Variants in MIPOL1 observed in about 807,000 individuals in gnomAD.
MIPOL1 encodes the protein mirror-image polydactyly gene 1 protein.
In MIPOL1, 57 loss-of-function variants were observed where a neutral mutation model predicts 60.9. That is an observed-to-expected ratio of 0.94 (90% CI 0.76 to 1.17). The LOEUF (loss-of-function observed/expected upper bound fraction) is 1.17. Ranked by LOEUF, MIPOL1 falls within the 50% of genes most tolerant of loss-of-function variation. The pLI is 0.00. For missense variants in MIPOL1, 551 were observed against 511.6 expected, an observed-to-expected ratio of 1.08 and a Z score of -0.74; for synonymous variants, 179 against 168.8, an observed-to-expected ratio of 1.06 and a Z score of -0.47.
chr14:37,258,735 A>G (rs1163872155), intron 3 of MIPOL1, among the ~76,000 whole-genome samples: 1 of 152,116 alleles, frequency 6.6e-6, no homozygotes, highest in Admixed American at 6.6e-5. Flanking sequence ...ATATGATAGA[A>G]TTTCACAAAA....
chr14:37,324,320 T>C (rs2153449154), intron 9 of MIPOL1, among the ~76,000 whole-genome samples: 1 of 152,132 alleles, frequency 6.6e-6, no homozygotes, highest in East Asian at 1.9e-4. Flanking sequence ...ACTAATGCTG[T>C]TGTGAACTTT....
intron 11 of MIPOL1, among the ~76,000 whole-genome samples, chr14:37,469,533 G>C (rs2094648867): frequency 6.6e-6 from 1 of 152,156 alleles, no homozygotes. Flanking sequence ...ACCATATCAT[G>C]TGGTAATTCA....
At chr14:37,545,876 T>C in intron 12 of MIPOL1, 1 of 378,254 alleles carries the variant, frequency 2.6e-6, no homozygotes, top group African/African-American at 2.1e-5. Context: ...TGAGGCAAAC[T>C]GTGAAGCAGA....
chr14:37,313,388 G>T (rs928422071), intron 9 of MIPOL1, among the ~76,000 whole-genome samples: 3 of 152,104 alleles, frequency 2.0e-5, no homozygotes, highest in Non-Finnish European at 2.9e-5. Flanking sequence ...ACTTATAAGG[G>T]TATACATAAA....
chr14:37,329,889 G>T (rs1252870041), intron 9 of MIPOL1, among the ~76,000 whole-genome samples: 1 of 152,010 alleles, frequency 6.6e-6, no homozygotes, highest in Admixed American at 6.6e-5. Flanking sequence ...GTTTACTTAA[G>T]AACCAACTCA....
intron 11 of MIPOL1, among the ~76,000 whole-genome samples, chr14:37,460,918 A>T (rs2094531874): frequency 6.6e-6 from 1 of 152,224 alleles, no homozygotes; most frequent in Admixed American, 6.5e-5. Context: ...CATTAAAATG[A>T]TCATATTCCC....
chr14:37,438,849 A>C (rs2094200919), intron 11 of MIPOL1, among the ~76,000 whole-genome samples: 1 of 152,368 alleles, frequency 6.6e-6, no homozygotes, highest in African/African-American at 2.4e-5. Context: ...AAAACTAAAT[A>C]CTGTGCCTAA....
At chr14:37,236,502 T>C (rs954965337) in intron 1 of MIPOL1, among the ~76,000 whole-genome samples, 2 of 152,030 alleles carry the variant, frequency 1.3e-5, no homozygotes, top group East Asian at 1.9e-4. Context: ...ATTGGTGCAA[T>C]CTCGGCTCAC....
At chr14:37,341,069 A>G (rs1211077289) in intron 9 of MIPOL1, among the ~76,000 whole-genome samples, 3 of 152,208 alleles carry the variant, frequency 2.0e-5, no homozygotes, top group African/African-American at 7.2e-5. Context: ...TATACCATCT[A>G]GGTTTGTATA....
chr14:37,476,560 A>G (rs1273932332), intron 11 of MIPOL1, among the ~76,000 whole-genome samples: 1 of 152,150 alleles, frequency 6.6e-6, no homozygotes, highest in Non-Finnish European at 1.5e-5. Flanking sequence ...TATGATAACC[A>G]TATGGTTTTT....
At chr14:37,416,199 A>G (rs1399245904) in intron 10 of MIPOL1, among the ~76,000 whole-genome samples, 1 of 152,212 alleles carries the variant, frequency 6.6e-6, no homozygotes, top group Non-Finnish European at 1.5e-5. Flanking sequence ...AACTTAAACT[A>G]TACTTAACAA....
chr14:37,234,428 T>G (rs1971116131), intron 1 of MIPOL1, among the ~76,000 whole-genome samples: 1 of 151,130 alleles, frequency 6.6e-6, no homozygotes, highest in Admixed American at 6.6e-5. Flanking sequence ...TAGGCTCAAG[T>G]GATCCACCCA....
At chr14:37,435,419 C>T (rs1468553544) in intron 11 of MIPOL1, among the ~76,000 whole-genome samples, 1 of 152,146 alleles carries the variant, frequency 6.6e-6, no homozygotes, top group African/African-American at 2.4e-5. Flanking sequence ...CCTCTTACTA[C>T]ATCACTCTAT....
At chr14:37,247,491 A>C (rs1007433633) in intron 2 of MIPOL1, among the ~76,000 whole-genome samples, 3 of 152,062 alleles carry the variant, frequency 2.0e-5, no homozygotes, top group African/African-American at 7.2e-5. Context: ...TATAAAATTT[A>C]TGACAAATAA....
intron 11 of MIPOL1, among the ~76,000 whole-genome samples, chr14:37,476,649 G>A (rs548788192): frequency 1.7e-4 from 26 of 152,064 alleles, no homozygotes; most frequent in African/African-American, 6.3e-4. Context: ...AATGAGCATT[G>A]GATTTTGTCA....
At chr14:37,198,676 G>A (rs558538365) in intron 1 of MIPOL1, among the ~76,000 whole-genome samples, 1 of 152,192 alleles carries the variant, frequency 6.6e-6, no homozygotes, top group South Asian at 2.1e-4. Flanking sequence ...CAAGACAGCC[G>A]CATTATTAGA....
intron 3 of MIPOL1, among the ~76,000 whole-genome samples, chr14:37,265,744 G>C (rs1197929562): frequency 6.6e-6 from 1 of 152,032 alleles, no homozygotes; most frequent in Non-Finnish European, 1.5e-5. Flanking sequence ...GAGGTGGGAG[G>C]ATTGCTTAAA....
intron 9 of MIPOL1, among the ~76,000 whole-genome samples, chr14:37,358,406 A>G (rs1328494032): frequency 2.6e-5 from 4 of 152,210 alleles, no homozygotes; most frequent in African/African-American, 9.7e-5. Context: ...TCCTTGAGGA[A>G]TTGCCACACT....
At chr14:37,490,539 G>A (rs562780765) in intron 11 of MIPOL1, among the ~76,000 whole-genome samples, 2 of 152,160 alleles carry the variant, frequency 1.3e-5, no homozygotes, top group South Asian at 2.1e-4. Context: ...CTGCCCAAAC[G>A]GCCACCCAGT....
Sources: allele counts gnomAD v4.1 joint callset (sites outside exome capture counted in the v4.1 genomes callset), GRCh38; gene constraint gnomAD v4.1.1; transcripts MANE v1.5; gene names NCBI Gene and HGNC (gene_info 2026-07-23, HGNC 2026-07-21).